The following CFAP92 variants were observed in gnomAD, a reference collection of about 807,000 sequenced individuals.
CFAP92 encodes the protein uncharacterized protein CFAP92.
CFAP92 carries 86 observed loss-of-function variants against 106.3 expected under a neutral mutation model. The observed-to-expected ratio is 0.81, with a 90% CI of 0.68 to 0.97. The LOEUF is 0.97. CFAP92 is among the 50% of genes least tolerant of loss of function. The probability of loss-of-function intolerance (pLI) is 0.00; values close to 1 mark genes in which losing one functional copy is unlikely to be tolerated. For synonymous variants in CFAP92, 477 were observed against 506.4 expected, an observed-to-expected ratio of 0.94 and a Z score of 0.78; for missense variants, 1,204 against 1,283.8, an observed-to-expected ratio of 0.94 and a Z score of 0.95.
the CFAP92 span, among the ~76,000 whole-genome samples, chr3:129,020,471 T>C: frequency 1.3e-5 from 2 of 152,040 alleles, no homozygotes; most frequent in African/African-American, 2.4e-5. Flanking sequence ...ACTCCATCTC[T>C]ACAAAAAATA....
rs550752278 is a variant in CFAP92 at position 128,958,625 on chromosome 3, G to A, written c.1353+6886C>T. Among the ~76,000 whole-genome samples the A allele has an allele frequency of 7.9e-5, 12 of 152,328 alleles. No individual in the cohort carries two copies. The East Asian group carries it at 1.5e-3, about 20-fold the overall frequency. On this transcript the variant is annotated intron_variant, in intron 9 of 15. Coordinates refer to ENST00000645291, the MANE Select transcript of CFAP92 (RefSeq NM_001394090.1). ...CAGTTTCAGAAGACAAAAAGGGCTGGCACTGTGGCTTACACCTATAATCCT... is the reference window on the plus strand; with the variant it reads ...CAGTTTCAGAAGACAAAAAGGGCTGACACTGTGGCTTACACCTATAATCCT...
chr3:128,917,514 A>C (rs1258555510), intron 12 of CFAP92, among the ~76,000 whole-genome samples: 1 of 152,216 alleles, frequency 6.6e-6, no homozygotes, highest in African/African-American at 2.4e-5. Flanking sequence ...ACTCAGAGCA[A>C]AAGTAACTAG....
At chr3:128,980,561 G>A (rs1024661412) in intron 4 of CFAP92, among the ~76,000 whole-genome samples, 21 of 152,072 alleles carry the variant, frequency 1.4e-4, no homozygotes, top group African/African-American at 4.6e-4. Flanking sequence ...TCTGTAGCAT[G>A]TGAAGCTGTT....
chr3:128,950,263 C>T (rs1940649681), intron 9 of CFAP92, among the ~76,000 whole-genome samples: 1 of 152,128 alleles, frequency 6.6e-6, no homozygotes, highest in African/African-American at 2.4e-5. Flanking sequence ...CCTGTAGAAC[C>T]CAGGGGTTCC....
chr3:128,935,023 A>G, intron 11 of CFAP92, 102 bp downstream of exon 11: 3 of 858,322 alleles, frequency 3.5e-6, no homozygotes, highest in Admixed American at 2.8e-5. Flanking sequence ...TGGGGCCACT[A>G]TCTAGTTGTT....
intron 4 of CFAP92, among the ~76,000 whole-genome samples, chr3:128,986,774 A>C (rs1943881903): frequency 6.6e-6 from 1 of 152,230 alleles, no homozygotes; most frequent in Non-Finnish European, 1.5e-5. Context: ...CAACAAGTAC[A>C]AGATGGAGAC....
At chr3:128,944,559 G>C (rs115929120) in intron 10 of CFAP92, among the ~76,000 whole-genome samples, 3 of 152,200 alleles carry the variant, frequency 2.0e-5, no homozygotes, top group African/African-American at 7.2e-5. Flanking sequence ...GTGAAAGGAA[G>C]GGAGAGGTGT....
At chr3:128,952,877 G>A (rs1940949542) in intron 9 of CFAP92, among the ~76,000 whole-genome samples, 1 of 151,718 alleles carries the variant, frequency 6.6e-6, no homozygotes, top group African/African-American at 2.4e-5. Context: ...GAGATCAGGA[G>A]TTCAAGACCA....
intron 9 of CFAP92, among the ~76,000 whole-genome samples, chr3:128,956,215 T>TAAA (rs545191144): frequency 2.9e-5 from 2 of 68,744 alleles, no homozygotes; most frequent in African/African-American, 1.2e-4. Flanking sequence ...AATAAAAAAA[T>TAAA]AAAAAAAAAA....
intron 1 of CFAP92, 43 bp from the exon 2 acceptor site, chr3:128,993,379 G>A: frequency 2.0e-6 from 3 of 1,531,058 alleles, no homozygotes; most frequent in Non-Finnish European, 2.6e-6. Context: ...TGTATTCCAG[G>A]GCTGCTCCAG....
At position 128,932,693 on chromosome 3, in the gene CFAP92, G is replaced by A. The variant is rs1683817; in HGVS notation, c.2751+7C>T. The A allele has an allele frequency of 0.23, 346,015 of 1,524,996 alleles. 41,838 individuals are homozygous for A. The highest frequency in any genetic ancestry group is 0.57 in the East Asian group (23,051 of 40,734). The allele number at this position is 1,524,996 out of a possible 1,614,324, so 94.5% of individuals were successfully genotyped here. On this transcript the variant is annotated splice_region_variant and intron_variant, in intron 12 of 15. Coordinates refer to ENST00000645291, the MANE Select transcript of CFAP92 (RefSeq NM_001394090.1). Reference sequence around the variant, plus strand: ...GGAACCCCAAGTTGGGGAGGAAGGCGGCCCACCTGGATGAAACTGTGCTTT... The same window carrying A: ...GGAACCCCAAGTTGGGGAGGAAGGCAGCCCACCTGGATGAAACTGTGCTTT...
At chr3:129,001,705 G>T in intron 1 of CFAP92, 1 of 1,505,230 alleles carries the variant, frequency 6.6e-7, no homozygotes, top group Non-Finnish European at 8.9e-7. Flanking sequence ...CCTGCGCGGC[G>T]CACGCAGTGG....
intron 10 of CFAP92, among the ~76,000 whole-genome samples, chr3:128,943,920 G>GTTTTTTT (rs768570835): frequency 2.1e-4 from 23 of 110,148 alleles, no homozygotes; most frequent in African/African-American, 3.1e-4. Context: ...TATTTCCCCC[G>GTTTTTTT]TTTTTTTTTT....
intron 2 of CFAP92, chr3:128,991,979 T>A: frequency 1.5e-6 from 1 of 648,996 alleles, no homozygotes; most frequent in Non-Finnish European, 1.9e-6. Context: ...CTCAAAGACT[T>A]GAGGAGTGTT....
In CFAP92 at chr3:128,945,423, C is replaced by T; in HGVS notation, c.1906G>A (p.Val636Met). Residue 636 changes from valine to methionine, a missense_variant, in exon 10 of 16, where the codon GTG becomes ATG. By Grantham distance (21) the Val-to-Met change is conservative. Transcript: ENST00000645291. ...LEADSQLKLR[V>M]DIAVPLRAGA... ...GCCCTCAGTGGCACCGCGATGTCCACTCGCAACTTGAGCTGGGAGTCAGCC... is the reference window on the plus strand; with the variant it reads ...GCCCTCAGTGGCACCGCGATGTCCATTCGCAACTTGAGCTGGGAGTCAGCC... The T allele has an allele frequency of 6.5e-7, 1 of 1,536,164 alleles. No homozygotes were observed. Among genetic ancestry groups the T allele is most frequent in the Non-Finnish European group, 8.7e-7 (1 of 1,146,918 alleles).
Position 128,986,302 on chromosome 3 carries a change from C to T in CFAP92, c.667+1314G>A, listed in dbSNP as rs1331137995. 2.0e-5 allele frequency among the ~76,000 whole-genome samples: 3 copies of T among 149,692 alleles called. No individual in the cohort carries two copies. In the East Asian group the frequency reaches 5.9e-4, roughly 29 times the overall value. ...TCACCCAGGCTGGTGTGCAGTCGTA[C>T]AAACACAGCTTACTGAAGCCTCGAC... On this transcript the variant is annotated intron_variant, in intron 4 of 15. Coordinates refer to ENST00000645291, the MANE Select transcript of CFAP92 (RefSeq NM_001394090.1).
At chr3:128,967,180 GC>G (rs1942434662) in intron 8 of CFAP92, 1 of 152,124 alleles carries the variant, frequency 6.6e-6, no homozygotes, top group Non-Finnish European at 1.5e-5. Context: ...TATTTCTAGG[GC>G]ATGTAAAAGC....
intron 1 of CFAP92, chr3:129,002,109 C>T (rs1319555347): frequency 2.7e-6 from 4 of 1,490,694 alleles, no homozygotes; most frequent in Non-Finnish European, 3.6e-6. Flanking sequence ...GGGGCCCCGG[C>T]TGCCCCGCGG....
At chr3:128,960,525 A>G (rs1255719851) in intron 9 of CFAP92, among the ~76,000 whole-genome samples, 1 of 152,136 alleles carries the variant, frequency 6.6e-6, no homozygotes, top group East Asian at 1.9e-4. Context: ...TTTCTGGTAG[A>G]GACAAAAGAG....
Sources: gnomAD v4.1 joint callset for allele counts (sites outside exome capture counted in the v4.1 genomes callset) on GRCh38, gnomAD v4.1.1 for gene constraint, MANE v1.5 for transcripts, NCBI Gene and HGNC (gene_info 2026-07-23, HGNC 2026-07-21) for gene names.